Variants in RCN2 observed in about 807,000 individuals in gnomAD.
RCN2 encodes the protein reticulocalbin 2.
A neutral mutation model predicts 37.5 loss-of-function variants in RCN2; 23 were observed. The observed-to-expected ratio is 0.61, with a 90% CI of 0.44 to 0.87. The LOEUF is 0.87. Among genes scored for constraint, RCN2 ranks in the 40% least tolerant of loss-of-function variants. The pLI, the probability that RCN2 is intolerant of heterozygous loss-of-function variation, is 0.00. For missense variants in RCN2, 381 were observed against 390.4 expected (o/e 0.98, Z 0.20); for synonymous variants, 140 against 144.6 (o/e 0.97, Z 0.23).
intron 3 of RCN2, 175 bp from the exon 4 acceptor site, chr15:76,943,583 G>T (rs1490781106): frequency 8.4e-6 from 4 of 478,886 alleles, no homozygotes; most frequent in African/African-American, 1.9e-5. Context: ...TGACTCTAGA[G>T]CTTGTGAGTC....
At chr15:76,933,216 G>A (rs1390799938) in intron 2 of RCN2, among the ~76,000 whole-genome samples, 1 of 152,206 alleles carries the variant, frequency 6.6e-6, no homozygotes. Context: ...CCCTGTCAGC[G>A]TTCCAAGTGG....
intron 2 of RCN2, among the ~76,000 whole-genome samples, chr15:76,933,672 CT>C (rs1053457658): frequency 8.5e-5 from 13 of 152,194 alleles, no homozygotes; most frequent in African/African-American, 3.1e-4. Context: ...AAACTACCCC[CT>C]GATGGCAAAG....
Position 76,948,571 on chromosome 15 carries a change from C to T in RCN2, c.801+19C>T, listed in dbSNP as rs746449013. The T allele has an allele frequency of 6.6e-7, 1 of 1,516,156 alleles. No individual in the cohort carries two copies. Among genetic ancestry groups the T allele is most frequent in the South Asian group, 1.3e-5 (1 of 75,762 alleles). 93.9% of individuals were successfully genotyped at this position (1,516,156 alleles called of 1,614,324 possible). On this transcript the variant is annotated intron_variant, in intron 6 of 6. Transcript: ENST00000394885. ...AGAGGAGGTAAGTGTTACAGAACAA[C>T]TGTTTCTCTCCACCCCCTCCCCCCG...
intron 2 of RCN2, among the ~76,000 whole-genome samples, chr15:76,932,828 A>G (rs2075230372): frequency 6.6e-6 from 1 of 152,198 alleles, no homozygotes; most frequent in Admixed American, 6.5e-5. Context: ...TATATGCTTC[A>G]TTTAAATTTT....
chr15:76,935,159 C>T (rs892913008), intron 2 of RCN2, among the ~76,000 whole-genome samples: 9 of 152,070 alleles, frequency 5.9e-5, no homozygotes, highest in Non-Finnish European at 1.2e-4. Context: ...CCCGTCTCTA[C>T]TAAAAATACA....
intron 3 of RCN2, among the ~76,000 whole-genome samples, chr15:76,936,614 A>G (rs1266558883): frequency 2.0e-5 from 3 of 152,214 alleles, no homozygotes; most frequent in African/African-American, 7.2e-5. Flanking sequence ...AGTTCCTAAC[A>G]GGCCATGAAC....
rs2075337138 is a variant in RCN2 at position 76,953,878 on chromosome 15, AT to A, written c.*4658del. The A allele has an allele frequency of 6.6e-6, 1 of 151,148 alleles. No individual in the cohort carries two copies. Among genetic ancestry groups the A allele is most frequent in the Non-Finnish European group, 1.5e-5 (1 of 67,802 alleles). The allele number at this position is 151,148 out of a possible 1,614,324, so 9.4% of individuals were successfully genotyped here. A position where few individuals can be genotyped will look rare whatever the true frequency, so the allele number is the denominator to read the frequency against. On this transcript the variant is annotated 3_prime_UTR_variant, in exon 7 of 7. Transcript: ENST00000394885. ...CGCCTTGGCCTCCCAAAGTGCTGGGATTACAGGCGTGAGCCACCGCGCCCGA... is the reference window on the plus strand; with the variant it reads ...CGCCTTGGCCTCCCAAAGTGCTGGGATACAGGCGTGAGCCACCGCGCCCGA...
At chr15:76,946,996 G>C (rs1242606874) in intron 4 of RCN2, among the ~76,000 whole-genome samples, 1 of 152,168 alleles carries the variant, frequency 6.6e-6, no homozygotes, top group East Asian at 1.9e-4. Flanking sequence ...TAAGGTAAGG[G>C]CTCTTTTAGG....
chr15:76,931,819 G>T lies in RCN2; in HGVS notation c.-23G>T. ...GCCAGCCTCCCTCCTCGCGTCCCTC[G>T]GTGTCCTCCGCGGGCCGGCGCGATG... On this transcript the variant is annotated 5_prime_UTR_variant, in exon 1 of 7. Transcript: ENST00000394885. 8.2e-7 allele frequency: 1 copy of T among 1,213,930 alleles called. No homozygotes were observed. The highest frequency in any genetic ancestry group is 1.6e-5 in the African/African-American group (1 of 62,968). The allele number at this position is 1,213,930 out of a possible 1,614,324, so 75.2% of individuals were successfully genotyped here.
chr15:76,936,390 G>A (rs1035745073), intron 3 of RCN2, among the ~76,000 whole-genome samples: 18 of 151,962 alleles, frequency 1.2e-4, no homozygotes, highest in Admixed American at 4.6e-4. Flanking sequence ...AGTGTGTGGC[G>A]GGGGGGTGGG....
chr15:76,939,039 T>C (rs2075265561), intron 3 of RCN2, among the ~76,000 whole-genome samples: 4 of 152,026 alleles, frequency 2.6e-5, no homozygotes, highest in Admixed American at 2.6e-4. Flanking sequence ...TCCTAACTAA[T>C]CTAAAGCTGT....
intron 3 of RCN2, 89 bp from the exon 4 acceptor site, chr15:76,943,668 TG>T (rs1353234929): frequency 1.5e-6 from 1 of 683,530 alleles, no homozygotes; most frequent in African/African-American, 1.8e-5. Flanking sequence ...AGATAACGGA[TG>T]GGAATGTACT....
Position 76,953,595 on chromosome 15 carries a change from T to TATATA in RCN2, c.*4373_*4374insATATA, listed in dbSNP as rs1568463581. On this transcript the variant is annotated 3_prime_UTR_variant, in exon 7 of 7. Coordinates refer to ENST00000394885, the MANE Select transcript of RCN2 (RefSeq NM_002902.3). ...TATATATATATATATATATATATAT[T>TATATA]TTTTTTTTTTTTTTTTTTTTTTTTT... 1.8e-4 allele frequency: 4 copies of TATATA among 22,010 alleles called. No individual in the cohort carries two copies. The highest frequency in any genetic ancestry group is 7.3e-4 in the African/African-American group (3 of 4,122). 1.4% of individuals were successfully genotyped at this position (22,010 alleles called of 1,614,324 possible).
In RCN2 at chr15:76,952,206, A is replaced by G. The variant is rs1255248957; in HGVS notation, c.*2984A>G. 1.3e-5 allele frequency: 2 copies of G among 152,178 alleles called. No homozygotes were observed. The highest frequency in any genetic ancestry group is 2.4e-5 in the African/African-American group (1 of 41,412). 9.4% of individuals were successfully genotyped at this position (152,178 alleles called of 1,614,324 possible). ...TGTTAAAATCGATGAAACTGTTAAC[A>G]TATCATTGTCACCCAAAGTGCATAG... On this transcript the variant is annotated 3_prime_UTR_variant, in exon 7 of 7. Transcript: ENST00000394885.
intron 4 of RCN2, 63 bp downstream of exon 4, chr15:76,943,934 A>G: frequency 1.1e-6 from 1 of 889,416 alleles, no homozygotes; most frequent in Non-Finnish European, 1.8e-6. Flanking sequence ...AATATATTTA[A>G]AATTTTTGTG....
Position 76,951,065 on chromosome 15 carries a change from A to T in RCN2, c.*1843A>T, listed in dbSNP as rs1318420717. The T allele has an allele frequency of 6.6e-6, 1 of 152,270 alleles. No individual in the cohort carries two copies. The allele number at this position is 152,270 out of a possible 1,614,324, so 9.4% of individuals were successfully genotyped here. ...ATTTGTCAGACTCACTGAAGCTGGCATATTTGAAATCACCAGTTTGACTAG... is the reference window on the plus strand; with the variant it reads ...ATTTGTCAGACTCACTGAAGCTGGCTTATTTGAAATCACCAGTTTGACTAG... On this transcript the variant is annotated 3_prime_UTR_variant, in exon 7 of 7. Coordinates refer to ENST00000394885, the MANE Select transcript of RCN2 (RefSeq NM_002902.3).
At chr15:76,941,629 T>G in intron 3 of RCN2, 2 of 1,461,950 alleles carry the variant, frequency 1.4e-6, no homozygotes, top group Non-Finnish European at 1.8e-6. Context: ...TTTTTGTTAT[T>G]TTTTTAGGAA....
intron 4 of RCN2, among the ~76,000 whole-genome samples, chr15:76,944,079 G>A (rs1488185848): frequency 7.5e-6 from 1 of 132,784 alleles, no homozygotes; most frequent in Non-Finnish European, 1.5e-5. Context: ...TGCAAGCTCC[G>A]CCTCCCGTGT....
At chr15:76,934,075 A>G (rs2075236560) in intron 2 of RCN2, among the ~76,000 whole-genome samples, 1 of 152,188 alleles carries the variant, frequency 6.6e-6, no homozygotes, top group Non-Finnish European at 1.5e-5. Context: ...TGCTGTCCTC[A>G]CAAATATTCG....
Sources: gnomAD v4.1 joint callset for allele counts (sites outside exome capture counted in the v4.1 genomes callset) on GRCh38, gnomAD v4.1.1 for gene constraint, MANE v1.5 for transcripts, NCBI Gene and HGNC (gene_info 2026-07-23, HGNC 2026-07-21) for gene names.